The following AVL9 variants were observed in gnomAD, a reference collection of about 807,000 sequenced individuals.
AVL9 encodes AVL9 cell migration associated, also known as late secretory pathway protein AVL9 homolog.
AVL9 carries 49 observed loss-of-function variants against 79.2 expected under a neutral mutation model. The observed-to-expected ratio is 0.62, with a 90% confidence interval of 0.49 to 0.79. The LOEUF is 0.79. Ranked by LOEUF, AVL9 falls within the 30% of genes least tolerant of loss-of-function variation. The pLI is 0.00. For synonymous variants in AVL9, 299 were observed against 280.6 expected, an observed-to-expected ratio of 1.07 and a Z score of -0.65; for missense variants, 682 against 776.8, an observed-to-expected ratio of 0.88 and a Z score of 1.45.
intron 2 of AVL9, among the ~76,000 whole-genome samples, chr7:32,543,655 C>G (rs1183626242): frequency 1.3e-5 from 2 of 152,208 alleles, no homozygotes; most frequent in Non-Finnish European, 2.9e-5. Context: ...ACCTTAGAAA[C>G]AGCTGAGATT....
intron 1 of AVL9, among the ~76,000 whole-genome samples, chr7:32,540,870 ACTTTTTTTTTTTTTTTTTTTTTTTTT>A (rs1789152117): frequency 1.2e-5 from 1 of 85,234 alleles, no homozygotes; most frequent in Admixed American, 1.7e-4. Context: ...TTGTTGTACT[ACTTTTTTTTTTTTTTTTTTTTTTTTT>A]TTTTTTTTTT....
chr7:32,546,245 CA>C (rs1046591217), intron 3 of AVL9, among the ~76,000 whole-genome samples: 2 of 152,022 alleles, frequency 1.3e-5, no homozygotes, highest in African/African-American at 4.8e-5. Flanking sequence ...AAATTTAAAA[CA>C]TAGTACCTTG....
At position 32,583,035 on chromosome 7, in the gene AVL9, G is replaced by A. The variant is rs112229405; in HGVS notation, c.1832-757G>A. On this transcript the variant is annotated intron_variant, in intron 15 of 15. Transcript: ENST00000318709. ...TATAAAACACAATAGACCTGGGGCAGATAGAGCTCTATACATCTTTGTGTA... is the reference window on the plus strand; with the variant it reads ...TATAAAACACAATAGACCTGGGGCAAATAGAGCTCTATACATCTTTGTGTA... 3.0e-3 allele frequency among the ~76,000 whole-genome samples: 458 copies of A among 152,310 alleles called. 4 individuals carry two copies. The highest frequency in any genetic ancestry group is 4.2e-3 in the Admixed American group (65 of 15,304).
intron 1 of AVL9, chr7:32,535,810 C>T (rs868317406): frequency 3.3e-5 from 5 of 152,296 alleles, no homozygotes; most frequent in East Asian, 1.9e-4. Context: ...ATAATCCCCA[C>T]GTGTCAATGG....
At chr7:32,524,404 A>G (rs1437207952) in intron 1 of AVL9, among the ~76,000 whole-genome samples, 1 of 151,944 alleles carries the variant, frequency 6.6e-6, no homozygotes, top group Non-Finnish European at 1.5e-5. Context: ...AATCCCAGCT[A>G]CTCGGGAGGC....
At chr7:32,577,774 A>G (rs1266971478) in intron 13 of AVL9, among the ~76,000 whole-genome samples, 1 of 152,236 alleles carries the variant, frequency 6.6e-6, no homozygotes, top group Non-Finnish European at 1.5e-5. Flanking sequence ...GAACATGTGA[A>G]GAAGTTGAGC....
intron 1 of AVL9, among the ~76,000 whole-genome samples, chr7:32,523,722 G>A (rs1788277609): frequency 7.5e-6 from 1 of 133,762 alleles, no homozygotes; most frequent in African/African-American, 2.8e-5. Flanking sequence ...TAGAGATGGG[G>A]TTTCTTTTCT....
intron 1 of AVL9, among the ~76,000 whole-genome samples, chr7:32,514,921 C>A (rs566480752): frequency 1.3e-5 from 2 of 152,190 alleles, no homozygotes; most frequent in Non-Finnish European, 2.9e-5. Flanking sequence ...TCTCTTCACA[C>A]GGACACGCAT....
rs571970453 is a variant in AVL9 at position 32,571,938 on chromosome 7, C to T, written c.1351-1261C>T. On this transcript the variant is annotated intron_variant, in intron 11 of 15. Transcript: ENST00000318709. ...CAGCACTTTGGGAGGCCAAGGTGGG[C>T]GGGTCACAAGGTCAAGACATCGAGA... Among the ~76,000 whole-genome samples, 16 of 152,140 alleles carry T rather than the reference C, an allele frequency of 1.1e-4. No individual in the cohort carries two copies. The East Asian group carries it at 1.4e-3, about 13-fold the overall frequency.
intron 1 of AVL9, among the ~76,000 whole-genome samples, chr7:32,529,608 C>T (rs1788556543): frequency 6.6e-6 from 1 of 152,194 alleles, no homozygotes; most frequent in African/African-American, 2.4e-5. Context: ...CTCTGGGTTA[C>T]ATAGCTAAGT....
intron 10 of AVL9, among the ~76,000 whole-genome samples, chr7:32,564,493 G>T (rs554997509): frequency 2.0e-5 from 3 of 152,184 alleles, no homozygotes; most frequent in Non-Finnish European, 2.9e-5. Flanking sequence ...AGAGAAGCCT[G>T]GGTGCCTGGG....
intron 1 of AVL9, among the ~76,000 whole-genome samples, chr7:32,540,389 C>G (rs1789124921): frequency 1.3e-5 from 2 of 152,168 alleles, no homozygotes; most frequent in Admixed American, 1.3e-4. Context: ...ATGAGTCAGG[C>G]AGCATCAAAC....
chr7:32,515,723 T>C (rs930010480), intron 1 of AVL9, among the ~76,000 whole-genome samples: 12 of 152,184 alleles, frequency 7.9e-5, no homozygotes, highest in African/African-American at 2.7e-4. Context: ...CTTACTGTTA[T>C]AGCGCTCAGT....
In AVL9 at chr7:32,552,545, T is replaced by C. The variant is rs115949942; in HGVS notation, c.529+250T>C. On this transcript the variant is annotated intron_variant, in intron 6 of 15. Transcript: ENST00000318709. ...TGCCTTTTTTTTTTTTGAGACAAAC[T>C]ACCTCAATTATCATTGAAAATGGAT... Among the ~76,000 whole-genome samples the C allele has an allele frequency of 5.8e-4, 88 of 151,842 alleles. 1 individual carries two copies. The highest frequency in any genetic ancestry group is 1.6e-3 in the Admixed American group (24 of 15,236).
chr7:32,548,146 T>TTTCTCTTTTG (rs1554340913), intron 3 of AVL9, among the ~76,000 whole-genome samples: 13 of 77,512 alleles, frequency 1.7e-4, no homozygotes, highest in African/African-American at 5.5e-4. Flanking sequence ...TGTCATCTCT[T>TTTCTCTTTTG]TTTTCTTTTT....
In AVL9 at chr7:32,565,653, C is replaced by T. The variant is rs147444441; in HGVS notation, c.1216-4367C>T. 3.7e-3 allele frequency among the ~76,000 whole-genome samples: 562 copies of T among 152,088 alleles called. 3 individuals are homozygous for T. Among genetic ancestry groups the T allele is most frequent in the Middle Eastern group, 0.017 (5 of 294 alleles). On this transcript the variant is annotated intron_variant, in intron 10 of 15. Transcript: ENST00000318709. ...CCAAGGCAGAAGAATCACTTGAGCT[C>T]AGAAATTTGAGACCAGCCTGAGCAA...
At chr7:32,555,777 C>T (rs994557771) in intron 8 of AVL9, among the ~76,000 whole-genome samples, 2 of 152,094 alleles carry the variant, frequency 1.3e-5, no homozygotes, top group African/African-American at 4.8e-5. Flanking sequence ...CTAGTGGAGT[C>T]GGGGTTGAAA....
At chr7:32,570,581 G>A (rs532603577) in intron 11 of AVL9, among the ~76,000 whole-genome samples, 1 of 151,778 alleles carries the variant, frequency 6.6e-6, no homozygotes, top group South Asian at 2.1e-4. Context: ...CAATATATAC[G>A]AAATTCAAAT....
intron 1 of AVL9, among the ~76,000 whole-genome samples, chr7:32,510,985 C>T (rs192118751): frequency 1.3e-4 from 18 of 139,032 alleles, no homozygotes; most frequent in African/African-American, 4.8e-4. Context: ...AATCCTGGCA[C>T]TTCTGAACTG....
Sources: gnomAD v4.1 joint callset for allele counts (sites outside exome capture counted in the v4.1 genomes callset) on GRCh38, gnomAD v4.1.1 for gene constraint, MANE v1.5 for transcripts, NCBI Gene and HGNC (gene_info 2026-07-23, HGNC 2026-07-21) for gene names.